The following U2SURP variants were observed in gnomAD, a reference collection of about 807,000 sequenced individuals.
The protein encoded by U2SURP is U2 snRNP-associated SURP motif-containing protein.
U2SURP carries 9 observed loss-of-function variants against 144.9 expected under a neutral mutation model. The observed-to-expected ratio is 0.06, with a 90% CI of 0.04 to 0.11. U2SURP has a LOEUF of 0.11. Ranked by LOEUF, U2SURP falls within the 10% of genes least tolerant of loss-of-function variation. U2SURP has a pLI of 1.00. For missense variants in U2SURP, 724 were observed against 1,226.7 expected, an observed-to-expected ratio of 0.59 and a Z score of 6.12; for synonymous variants, 408 against 396.8, an observed-to-expected ratio of 1.03 and a Z score of -0.33.
chr3:143,041,623 TA>T (rs1460266453), intron 23 of U2SURP, among the ~76,000 whole-genome samples: 2 of 152,072 alleles, frequency 1.3e-5, no homozygotes, highest in African/African-American at 2.4e-5. Context: ...CTGCCTGGTG[TA>T]AATTTTTCTC....
At chr3:143,047,222 G>A (rs1302132300) in intron 24 of U2SURP, among the ~76,000 whole-genome samples, 1 of 88,988 alleles carries the variant, frequency 1.1e-5, no homozygotes, top group South Asian at 3.6e-4. Context: ...CAGGCGGGGG[G>A]CTGATCCCCC....
rs745418832 is a variant in U2SURP at position 143,038,116 on chromosome 3, A to G, written c.2230A>G (p.Thr744Ala). The G allele has an allele frequency of 5.0e-6, 8 of 1,602,950 alleles. No homozygotes were observed. Among genetic ancestry groups the G allele is most frequent in the South Asian group, 3.4e-5 (3 of 88,666 alleles). ...TTATCTTTCCCTAATAGTGGATGCA[A>G]CTGAAGACTCAAAAAAGAATGAGCC... ...DDLDGVPLDA[T>A]EDSKKNEPIF... The change falls in exon 22 of 28, where the codon ACT (threonine) becomes GCT (alanine). Residue 744 changes from threonine (T) to alanine (A), a missense_variant. Thr to Ala is a moderately conservative substitution (Grantham distance 58, BLOSUM62 0). Around this residue, in one of 13 missense-constraint regions of U2SURP, gnomAD observed 116 missense variants for 167.9 expected, o/e 0.69. Transcript: ENST00000473835.
chr3:143,036,535 C>T (rs1050307476), intron 20 of U2SURP, among the ~76,000 whole-genome samples: 2 of 151,964 alleles, frequency 1.3e-5, no homozygotes, highest in Non-Finnish European at 2.9e-5. Flanking sequence ...TTACTGAATC[C>T]TTAATGTTTA....
At chr3:143,051,654 G>A (rs1052514768) in intron 25 of U2SURP, among the ~76,000 whole-genome samples, 17 of 135,582 alleles carry the variant, frequency 1.3e-4, no homozygotes, top group Non-Finnish European at 1.4e-4. Flanking sequence ...TATATAGAAA[G>A]TGAAATAGGA....
chr3:143,004,276 A>G (rs572396818), intron 1 of U2SURP, among the ~76,000 whole-genome samples: 1 of 152,114 alleles, frequency 6.6e-6, no homozygotes, highest in Admixed American at 6.5e-5. Context: ...TAAATGTACA[A>G]TATGGCAAAA....
At chr3:143,043,381 T>C in intron 24 of U2SURP, 105 bp downstream of exon 24, 8 of 1,231,100 alleles carry the variant, frequency 6.5e-6, no homozygotes, top group Non-Finnish European at 8.9e-6. Flanking sequence ...CTGTTCCTTC[T>C]CTCTGCTTAG....
intron 17 of U2SURP, 116 bp downstream of exon 17, chr3:143,033,062 T>A: frequency 8.3e-7 from 1 of 1,199,724 alleles, no homozygotes; most frequent in Non-Finnish European, 1.2e-6. Flanking sequence ...CAGTCTTATG[T>A]TATTTCTGCT....
chr3:143,040,860 CCTTT>C (rs778895637), intron 23 of U2SURP, among the ~76,000 whole-genome samples: 1 of 151,438 alleles, frequency 6.6e-6, no homozygotes, highest in Non-Finnish European at 1.5e-5. Context: ...CCATCTAGAC[CCTTT>C]CTGTGTGTAT....
chr3:143,004,351 G>C (rs1216246023), intron 1 of U2SURP, among the ~76,000 whole-genome samples: 1 of 115,556 alleles, frequency 8.7e-6, no homozygotes, highest in South Asian at 2.7e-4. Flanking sequence ...TCTAGTTGGG[G>C]TGTTTTTTTT....
chr3:143,025,651 A>G (rs890518475), intron 13 of U2SURP: 7 of 152,204 alleles, frequency 4.6e-5, no homozygotes, highest in African/African-American at 1.7e-4. Context: ...CTTCTGTGAA[A>G]GAGAAATAAT....
intron 16 of U2SURP, among the ~76,000 whole-genome samples, chr3:143,031,423 G>GCTACCACCC (rs1560191135): frequency 7.2e-6 from 1 of 138,512 alleles, no homozygotes; most frequent in African/African-American, 2.6e-5. Context: ...AGCTACCACC[G>GCTACCACCC]CCCTAACCTT....
intron 24 of U2SURP, 93 bp from the exon 25 acceptor site, chr3:143,050,846 T>C: frequency 1.3e-6 from 1 of 779,198 alleles, no homozygotes; most frequent in East Asian, 2.9e-5. Flanking sequence ...TGAGTACTAA[T>C]TAGTTACTAC....
intron 25 of U2SURP, among the ~76,000 whole-genome samples, chr3:143,053,439 CTGTGGT>C (rs897814157): frequency 6.6e-6 from 1 of 152,010 alleles, no homozygotes; most frequent in Non-Finnish European, 1.5e-5. Flanking sequence ...ATTGTTTGGC[CTGTGGT>C]AAGCACTCAG....
rs1935193072 is a variant in U2SURP at position 143,057,271 on chromosome 3, T to G, written c.*821T>G. 1 of 152,434 alleles carries G rather than the reference T, an allele frequency of 6.6e-6. No homozygotes were observed. Among genetic ancestry groups the G allele is most frequent in the Non-Finnish European group, 1.5e-5 (1 of 67,886 alleles). The allele number at this position is 152,434 out of a possible 1,614,324, so 9.4% of individuals were successfully genotyped here. A position where few individuals can be genotyped will look rare whatever the true frequency, so the allele number is the denominator to read the frequency against. The stretch of plus-strand genomic sequence containing the variant: ...AAGAAGTTTATTTGTAAAACAAATT[T>G]TCTAACAAGGTTTGGCCATAGAATT... On this transcript the variant is annotated 3_prime_UTR_variant, in exon 28 of 28. Coordinates refer to ENST00000473835, the MANE Select transcript of U2SURP (RefSeq NM_001080415.2).
intron 24 of U2SURP, among the ~76,000 whole-genome samples, chr3:143,046,634 G>T (rs1186834910): frequency 9.7e-6 from 1 of 102,680 alleles, no homozygotes; most frequent in East Asian, 2.5e-4. Flanking sequence ...CACAGGGTTG[G>T]GGGTAAGGTC....
At chr3:143,012,180 A>G (rs766610060) in intron 2 of U2SURP, 42 bp from the exon 3 acceptor site, 4 of 1,598,548 alleles carry the variant, frequency 2.5e-6, no homozygotes, top group Non-Finnish European at 3.4e-6. Flanking sequence ...ATATGTATAT[A>G]TGTGTGGTTT....
chr3:143,019,641 C>G (rs1478521802), intron 6 of U2SURP, among the ~76,000 whole-genome samples: 5 of 152,176 alleles, frequency 3.3e-5, no homozygotes, highest in Non-Finnish European at 7.4e-5. Flanking sequence ...ACTTACTGTT[C>G]CAGTAACTCA....
chr3:143,016,536 A>C (rs1302824977), intron 5 of U2SURP, among the ~76,000 whole-genome samples, 165 bp downstream of exon 5: 7 of 152,186 alleles, frequency 4.6e-5, no homozygotes, highest in Non-Finnish European at 2.9e-5. Flanking sequence ...ATTATTAATT[A>C]GCAAGATAAA....
chr3:143,039,701 A>G (rs1025465935), intron 23 of U2SURP, among the ~76,000 whole-genome samples: 5 of 151,148 alleles, frequency 3.3e-5, no homozygotes, highest in African/African-American at 4.9e-5. Flanking sequence ...CTATTCTCCA[A>G]TGGAAGTGGG....
Sources: allele counts gnomAD v4.1 joint callset (sites outside exome capture counted in the v4.1 genomes callset), GRCh38; gene constraint gnomAD v4.1.1; regional missense constraint gnomAD v4.1.1; transcripts MANE v1.5; gene names NCBI Gene and HGNC (gene_info 2026-07-23, HGNC 2026-07-21).